N4BP2L1: variants seen among roughly 807,000 people sequenced by gnomAD.
N4BP2L1 encodes the protein NEDD4 binding protein 2 like 1, also known as NEDD4-binding protein 2-like 1.
N4BP2L1 carries 12 observed loss-of-function variants against 21.2 expected under a neutral mutation model. The observed-to-expected ratio is 0.57, with a 90% confidence interval of 0.36 to 0.92. N4BP2L1 has a LOEUF of 0.92. Ranked by LOEUF, N4BP2L1 falls within the 40% of genes least tolerant of loss-of-function variation. The pLI, the probability that N4BP2L1 is intolerant of heterozygous loss-of-function variation, is 0.01. For missense variants in N4BP2L1, 259 were observed against 310.6 expected (o/e 0.83, Z 1.25); for synonymous variants, 104 against 112.8 (o/e 0.92, Z 0.49).
chr13:32,415,134 A>G (rs1206646322), intron 1 of N4BP2L1, among the ~76,000 whole-genome samples: 1 of 152,118 alleles, frequency 6.6e-6, no homozygotes, highest in Non-Finnish European at 1.5e-5. Context: ...TGGTGTCACA[A>G]CTCCATGATC....
intron 1 of N4BP2L1, among the ~76,000 whole-genome samples, chr13:32,415,208 T>C (rs964369209): frequency 2.0e-5 from 3 of 152,168 alleles, no homozygotes; most frequent in African/African-American, 4.8e-5. Flanking sequence ...GAGGGCCTCC[T>C]AGTGGCCACT....
intron 1 of N4BP2L1, 120 bp downstream of exon 1, chr13:32,427,784 G>T: frequency 1.9e-6 from 1 of 515,874 alleles, no homozygotes; most frequent in Non-Finnish European, 2.8e-6. Flanking sequence ...CGGGGCCGCG[G>T]CAGGCACCCG....
In N4BP2L1 at chr13:32,407,296, T is replaced by C; in HGVS notation, c.350A>G (p.Asp117Gly). The C allele has an allele frequency of 6.2e-7, 1 of 1,614,188 alleles. No homozygotes were observed. The highest frequency in any genetic ancestry group is 2.2e-5 in the East Asian group (1 of 44,872). Residue 117 changes from aspartate (D) to glycine (G), a missense_variant, in exon 3 of 5, where the codon GAT becomes GGT. Asp to Gly is a moderately conservative substitution (Grantham distance 94). Coordinates refer to ENST00000380130, the MANE Select transcript of N4BP2L1 (RefSeq NM_052818.3). ...MRNGISPIII[D>G]NTNLHAWEMK... The stretch of plus-strand genomic sequence containing the variant: ...TTCCCAGGCGTGGAGGTTGGTATTA[T>C]CAATAATAATGGGGGATATGCCATT...
intron 1 of N4BP2L1, among the ~76,000 whole-genome samples, chr13:32,421,704 A>G (rs546212039): frequency 6.6e-6 from 1 of 152,002 alleles, no homozygotes; most frequent in East Asian, 1.9e-4. Flanking sequence ...CCTTTCCCAG[A>G]CTCTTACCTT....
At chr13:32,418,277 A>G (rs985693686) in intron 1 of N4BP2L1, among the ~76,000 whole-genome samples, 1 of 152,250 alleles carries the variant, frequency 6.6e-6, no homozygotes, top group African/African-American at 2.4e-5. Context: ...AAAGGGGTCA[A>G]TGTACAGCTC....
At chr13:32,422,077 C>T (rs1316445227) in intron 1 of N4BP2L1, among the ~76,000 whole-genome samples, 3 of 152,112 alleles carry the variant, frequency 2.0e-5, no homozygotes, top group East Asian at 1.9e-4. Context: ...AATATGGAAA[C>T]GTATTTAAAA....
upstream of N4BP2L1, among the ~76,000 whole-genome samples, chr13:32,429,475 C>G (rs527690367): frequency 1.3e-5 from 2 of 152,212 alleles, no homozygotes; most frequent in African/African-American, 4.8e-5. Context: ...TCTCTGTATC[C>G]TATCATAATT....
chr13:32,403,244 A>C (rs376865999), intron 4 of N4BP2L1, 44 bp from the exon 5 acceptor site: 1 of 1,539,472 alleles, frequency 6.5e-7, no homozygotes, highest in African/African-American at 1.4e-5. Flanking sequence ...GGATACCACA[A>C]TGAGTTACTT....
intron 1 of N4BP2L1, among the ~76,000 whole-genome samples, chr13:32,410,293 G>A (rs1291374317): frequency 6.6e-6 from 1 of 152,200 alleles, no homozygotes; most frequent in East Asian, 1.9e-4. Context: ...TTCTGAAAGA[G>A]CCTCACCCAG....
At chr13:32,410,076 G>T (rs1211512085) in intron 1 of N4BP2L1, among the ~76,000 whole-genome samples, 1 of 152,242 alleles carries the variant, frequency 6.6e-6, no homozygotes, top group African/African-American at 2.4e-5. Context: ...GTTCTCAGAC[G>T]CTGGGAAGTC....
chr13:32,413,561 T>G (rs2073974280), intron 1 of N4BP2L1, among the ~76,000 whole-genome samples: 2 of 152,194 alleles, frequency 1.3e-5, no homozygotes. Flanking sequence ...AAGGGTGGTG[T>G]TAGCCAGACC....
chr13:32,427,918 T>C lies in N4BP2L1; in HGVS notation c.165A>G (p.Lys55=), dbSNP rs747582156. The change falls in exon 1 of 5, where the codon AAA becomes AAG. Residue 55 remains lysine, a synonymous_variant. Coordinates refer to ENST00000380130, the MANE Select transcript of N4BP2L1 (RefSeq NM_052818.3). The part of the protein sequence containing the change: ...YLLRGLPGSG[K]TTLARQLQHD... Reference sequence around the variant, plus strand: ...GCTGTCATTACCTGGCCAGTGTAGTTTTCCCGGAGCCCGGGAGGCCTCGCA... The same window carrying C: ...GCTGTCATTACCTGGCCAGTGTAGTCTTCCCGGAGCCCGGGAGGCCTCGCA... 5 of 1,519,062 alleles carry C rather than the reference T, an allele frequency of 3.3e-6. No homozygotes were observed. The highest frequency in any genetic ancestry group is 4.3e-5 in the Admixed American group (2 of 46,502). 94.1% of individuals were successfully genotyped at this position (1,519,062 alleles called of 1,614,324 possible).
At chr13:32,403,573 T>G (rs2073284246) in intron 4 of N4BP2L1, 1 of 443,374 alleles carries the variant, frequency 2.3e-6, no homozygotes, top group African/African-American at 2.0e-5. Context: ...CTGAGATATA[T>G]TTCTAGGAGA....
At chr13:32,403,658 G>C (rs1167167943) in intron 4 of N4BP2L1, 1 of 533,530 alleles carries the variant, frequency 1.9e-6, no homozygotes, top group East Asian at 5.4e-5. Context: ...ATAATTACCA[G>C]AGATTCCAAC....
At chr13:32,418,401 CAGA>C (rs1351020979) in intron 1 of N4BP2L1, among the ~76,000 whole-genome samples, 1 of 152,228 alleles carries the variant, frequency 6.6e-6, no homozygotes. Context: ...ACTTAGATTT[CAGA>C]AGATGTATGG....
rs1016597386 is a variant in N4BP2L1 at position 32,402,706 on chromosome 13, C to G, written c.*236G>C. 1.4e-5 allele frequency: 18 copies of G among 1,286,734 alleles called. No homozygotes were observed. Among genetic ancestry groups the G allele is most frequent in the Admixed American group, 3.7e-5 (1 of 26,744 alleles). The allele number at this position is 1,286,734 out of a possible 1,614,324, so 79.7% of individuals were successfully genotyped here. A position where few individuals can be genotyped will look rare whatever the true frequency, so the allele number is the denominator to read the frequency against. On this transcript the variant is annotated 3_prime_UTR_variant, in exon 5 of 5. Transcript: ENST00000380130. ...CTCAAGTTTTGGTTTCAAATTCTTA[C>G]CCTAGAGAAAGAGACTGTTTACTCA... is the stretch of plus-strand genomic sequence containing the variant.
At chr13:32,426,125 C>T (rs1593326553) in intron 1 of N4BP2L1, among the ~76,000 whole-genome samples, 1 of 152,172 alleles carries the variant, frequency 6.6e-6, no homozygotes, top group Non-Finnish European at 1.5e-5. Flanking sequence ...AATGTGAATC[C>T]AAGCCCCTGA....
chr13:32,426,644 A>G (rs2074782790), intron 1 of N4BP2L1, among the ~76,000 whole-genome samples: 2 of 152,250 alleles, frequency 1.3e-5, no homozygotes, highest in South Asian at 4.1e-4. Flanking sequence ...GTGACTGTCC[A>G]TCACCTTGAT....
intron 1 of N4BP2L1, among the ~76,000 whole-genome samples, chr13:32,421,304 G>C (rs1173205377): frequency 6.6e-6 from 1 of 152,170 alleles, no homozygotes; most frequent in Non-Finnish European, 1.5e-5. Flanking sequence ...AGAAAAGAAA[G>C]CCAAGGTACA....
Sources: gnomAD v4.1 joint callset for allele counts (sites outside exome capture counted in the v4.1 genomes callset) on GRCh38, gnomAD v4.1.1 for gene constraint, MANE v1.5 for transcripts, NCBI Gene and HGNC (gene_info 2026-07-23, HGNC 2026-07-21) for gene names.